The following OPCML variants were observed in gnomAD, a reference collection of about 807,000 sequenced individuals.
OPCML encodes the protein opioid binding protein/cell adhesion molecule like, also known as opioid-binding protein/cell adhesion molecule.
Under a neutral mutation model 37.8 loss-of-function variants are expected in OPCML, and 13 were observed. The ratio of observed to expected loss-of-function variants is 0.34; its 90% CI spans 0.22 to 0.55. OPCML has a LOEUF of 0.55. OPCML is among the 20% of genes least tolerant of loss of function. OPCML has a pLI of 0.91. For synonymous variants in OPCML, 176 were observed against 168.8 expected, an observed-to-expected ratio of 1.04 and a Z score of -0.33; for missense variants, 341 against 435.6, an observed-to-expected ratio of 0.78 and a Z score of 1.93.
At chr11:133,451,135 T>C (rs1039066014) in intron 1 of OPCML, among the ~76,000 whole-genome samples, 7 of 151,750 alleles carry the variant, frequency 4.6e-5, no homozygotes. Flanking sequence ...GAGAAATCCA[T>C]GTTTAAAAAT....
At chr11:132,837,627 G>T (rs867798054) in intron 2 of OPCML, among the ~76,000 whole-genome samples, 34 of 152,326 alleles carry the variant, frequency 2.2e-4, no homozygotes, top group Middle Eastern at 3.4e-3. Flanking sequence ...ACATACAAAG[G>T]TGTGCAGGGG....
intron 1 of OPCML, among the ~76,000 whole-genome samples, chr11:133,465,094 G>A (rs1438317731): frequency 1.3e-5 from 2 of 152,182 alleles, no homozygotes; most frequent in Admixed American, 6.5e-5. Flanking sequence ...TGGTTCAGGA[G>A]AACAGGAGTT....
At chr11:132,933,058 A>G (rs1000537834) in intron 2 of OPCML, among the ~76,000 whole-genome samples, 1 of 152,204 alleles carries the variant, frequency 6.6e-6, no homozygotes, top group Non-Finnish European at 1.5e-5. Context: ...ATCATAAAGC[A>G]GAGCATATAA....
rs149405167 is a variant in OPCML at position 133,317,595 on chromosome 11, T to G, written c.61+214669A>C. Among the ~76,000 whole-genome samples, 1,005 of 152,248 alleles carry G rather than the reference T, an allele frequency of 6.6e-3. 2 individuals carry two copies. The highest frequency in any genetic ancestry group is 0.014 in the Middle Eastern group (4 of 294). ...TGTTGTCGTAGTAGTCGCAACGGAG[T>G]TAGAAGTGAGTATCATAGTGATAGT... On this transcript the variant is annotated intron_variant, in intron 1 of 7. Transcript: ENST00000524381.
At chr11:133,117,941 G>T (rs563849736) in intron 1 of OPCML, 2 of 985,188 alleles carry the variant, frequency 2.0e-6, no homozygotes, top group South Asian at 9.4e-5. Context: ...AGGGAATGGG[G>T]GCTGTCCAAG....
chr11:132,979,823 A>G (rs949117828), intron 1 of OPCML, among the ~76,000 whole-genome samples: 7 of 152,104 alleles, frequency 4.6e-5, no homozygotes, highest in Admixed American at 1.3e-4. Flanking sequence ...CTTGTAAGAG[A>G]CTGAGAAGGA....
At chr11:133,430,114 G>A (rs961957651) in intron 1 of OPCML, among the ~76,000 whole-genome samples, 39 of 152,114 alleles carry the variant, frequency 2.6e-4, no homozygotes, top group South Asian at 2.1e-4. Context: ...TGCAAGAGAC[G>A]GTTAAGCTGT....
intron 1 of OPCML, among the ~76,000 whole-genome samples, chr11:133,017,591 G>A (rs551972863): frequency 1.5e-4 from 23 of 152,188 alleles, no homozygotes; most frequent in Admixed American, 1.5e-3. Context: ...GTTTCTCCAT[G>A]TGGGTCAGGC....
At chr11:132,788,763 C>T (rs1937693495) in intron 2 of OPCML, among the ~76,000 whole-genome samples, 1 of 152,140 alleles carries the variant, frequency 6.6e-6, no homozygotes, top group African/African-American at 2.4e-5. Flanking sequence ...AGTAGCTTGC[C>T]CAAGGTTACC....
intron 2 of OPCML, among the ~76,000 whole-genome samples, chr11:132,721,950 C>CTTTTTTTTTTTTTTTTTTTTT: frequency 1.2e-5 from 1 of 82,782 alleles, no homozygotes; most frequent in Non-Finnish European, 2.2e-5. Flanking sequence ...CTTTCCTTCC[C>CTTTTTTTTTTTTTTTTTTTTT]TTTTTTTTTT....
At chr11:132,908,538 C>G (rs1944319174) in intron 2 of OPCML, among the ~76,000 whole-genome samples, 1 of 152,138 alleles carries the variant, frequency 6.6e-6, no homozygotes, top group Non-Finnish European at 1.5e-5. Flanking sequence ...TTCCCACTAG[C>G]CTTCTAGATA....
chr11:132,526,696 T>G (rs2096309396), intron 4 of OPCML, among the ~76,000 whole-genome samples: 1 of 152,174 alleles, frequency 6.6e-6, no homozygotes, highest in Non-Finnish European at 1.5e-5. Context: ...AGAAAAAAAT[T>G]CAGATCATTA....
intron 1 of OPCML, among the ~76,000 whole-genome samples, chr11:133,435,052 A>G (rs1946205281): frequency 6.6e-6 from 1 of 151,932 alleles, no homozygotes; most frequent in Non-Finnish European, 1.5e-5. Flanking sequence ...ATAGCCTAGC[A>G]TAGAGTTTAT....
chr11:133,354,308 G>A (rs1028019822), intron 1 of OPCML, among the ~76,000 whole-genome samples: 3 of 5,710 alleles, frequency 5.3e-4, no homozygotes, highest in Non-Finnish European at 1.1e-3. Flanking sequence ...GTGGTGACGT[G>A]TTGGTAGTGG....
intron 1 of OPCML, among the ~76,000 whole-genome samples, chr11:133,048,418 C>T (rs568958163): frequency 5.9e-5 from 9 of 152,026 alleles, no homozygotes; most frequent in East Asian, 2.0e-4. Context: ...TTAGGAGAGA[C>T]GCCTAAAACC....
At chr11:132,644,741 A>G (rs965309821) in intron 3 of OPCML, among the ~76,000 whole-genome samples, 1 of 152,186 alleles carries the variant, frequency 6.6e-6, no homozygotes, top group African/African-American at 2.4e-5. Context: ...ATAAACTGTT[A>G]ACCGTGGTAA....
chr11:132,908,777 G>A (rs980881787), intron 2 of OPCML, among the ~76,000 whole-genome samples: 2 of 152,240 alleles, frequency 1.3e-5, no homozygotes, highest in African/African-American at 2.4e-5. Flanking sequence ...GCACTTTCAC[G>A]TTAATAAGTG....
In OPCML at chr11:132,809,994, C is replaced by T. The variant is rs536080458; in HGVS notation, c.146+132932G>A. On this transcript the variant is annotated intron_variant, in intron 2 of 7. Transcript: ENST00000524381. ...CCTCCCGAGTAGCCGGGACTACAGG[C>T]GCCCGCCACCACGCCCGGCTAATTT... Among the ~76,000 whole-genome samples, 8 of 152,188 alleles carry T rather than the reference C, an allele frequency of 5.3e-5. No individual in the cohort carries two copies. The South Asian group carries it at 1.2e-3, about 24-fold the overall frequency.
chr11:133,249,896 G>A (rs949417952), intron 1 of OPCML, among the ~76,000 whole-genome samples: 2 of 152,216 alleles, frequency 1.3e-5, no homozygotes, highest in Non-Finnish European at 2.9e-5. Context: ...AAAAGGCATA[G>A]AAATGGACGA....
Sources: allele counts gnomAD v4.1 joint callset (sites outside exome capture counted in the v4.1 genomes callset), GRCh38; gene constraint gnomAD v4.1.1; transcripts MANE v1.5; gene names NCBI Gene and HGNC (gene_info 2026-07-23, HGNC 2026-07-21).